The following CCDC152 variants were observed in gnomAD, a reference collection of about 807,000 sequenced individuals.
CCDC152 encodes the protein coiled-coil domain containing 152.
A neutral mutation model predicts 38.1 loss-of-function variants in CCDC152; 37 were observed. That is an observed-to-expected ratio of 0.97 (90% CI 0.75 to 1.28). The LOEUF is 1.28. Among genes scored for constraint, CCDC152 ranks in the 50% most tolerant of loss-of-function variants. The pLI is 0.00. For synonymous variants in CCDC152, 83 were observed against 87.1 expected (o/e 0.95, Z 0.26); for missense variants, 259 against 292.1 (o/e 0.89, Z 0.83).
In CCDC152 at chr5:42,800,476, G is replaced by GAA. The variant is rs930806262; in HGVS notation, c.*703_*704dup. On this transcript the variant is annotated 3_prime_UTR_variant, in exon 9 of 9. Transcript: ENST00000361970. ...TAAAGCAAATAGAACACTGGAAAAAGAAAAAAAAAGACATATTAACCAAAA... is the reference window on the plus strand; with the variant it reads ...TAAAGCAAATAGAACACTGGAAAAAGAAAAAAAAAAAGACATATTAACCAAAA... 1.5e-5 allele frequency: 6 copies of GAA among 408,852 alleles called. No homozygotes were observed. The highest frequency in any genetic ancestry group is 1.2e-4 in the African/African-American group (6 of 48,008). 25.3% of individuals were successfully genotyped at this position (408,852 alleles called of 1,614,324 possible). A position where few individuals can be genotyped will look rare whatever the true frequency, so the allele number is the denominator to read the frequency against.
chr5:42,792,202 A>AT (rs1760013150), intron 6 of CCDC152, among the ~76,000 whole-genome samples: 1 of 152,178 alleles, frequency 6.6e-6, no homozygotes, highest in South Asian at 2.1e-4. Flanking sequence ...AAATTTTATC[A>AT]TAGTAGAACT....
chr5:42,783,862 C>T (rs577020822), intron 6 of CCDC152, among the ~76,000 whole-genome samples: 30 of 151,632 alleles, frequency 2.0e-4, no homozygotes, highest in African/African-American at 7.0e-4. Flanking sequence ...TTCTGTTTCT[C>T]AGTTAGTTCA....
In CCDC152 at chr5:42,801,738, G is replaced by A. The variant is rs1006969736; in HGVS notation, c.*1957G>A. The stretch of plus-strand genomic sequence containing the variant: ...CGGAGACCAGCCTGGGCAACATGGC[G>A]AGATCCTGTCTCTGCAAAATATACA... On this transcript the variant is annotated 3_prime_UTR_variant, in exon 9 of 9. Coordinates refer to ENST00000361970, the MANE Select transcript of CCDC152 (RefSeq NM_001134848.2). 4 of 197,252 alleles carry A rather than the reference G, an allele frequency of 2.0e-5. No individual in the cohort carries two copies. The highest frequency in any genetic ancestry group is 1.2e-4 in the East Asian group (1 of 8,606). 12.2% of individuals were successfully genotyped at this position (197,252 alleles called of 1,614,324 possible).
At chr5:42,773,394 G>A (rs1759727356) in intron 4 of CCDC152, among the ~76,000 whole-genome samples, 1 of 151,836 alleles carries the variant, frequency 6.6e-6, no homozygotes, top group East Asian at 1.9e-4. Flanking sequence ...TTAATAACTG[G>A]GATAATATTC....
chr5:42,774,405 G>A (rs117032171), intron 4 of CCDC152, among the ~76,000 whole-genome samples: 2,974 of 152,242 alleles, frequency 0.02, 34 homozygotes, highest in Middle Eastern at 0.061. Context: ...TAACCATTTT[G>A]AAATAATCCA....
At chr5:42,783,877 G>A (rs1470702833) in intron 6 of CCDC152, among the ~76,000 whole-genome samples, 1 of 152,096 alleles carries the variant, frequency 6.6e-6, no homozygotes, top group Non-Finnish European at 1.5e-5. Flanking sequence ...AGTTCACTTA[G>A]AATGATGCCC....
chr5:42,779,018 C>T (rs1205980475), intron 4 of CCDC152, among the ~76,000 whole-genome samples: 1 of 152,110 alleles, frequency 6.6e-6, no homozygotes, highest in South Asian at 2.1e-4. Flanking sequence ...TTTTTCCAAG[C>T]TATATTCACT....
At chr5:42,786,891 GT>G (rs1759927605) in intron 6 of CCDC152, among the ~76,000 whole-genome samples, 1 of 151,340 alleles carries the variant, frequency 6.6e-6, no homozygotes, top group South Asian at 2.1e-4. Flanking sequence ...TGTTTTTTTT[GT>G]TGTTGTTTTT....
chr5:42,785,661 A>G (rs1213505891), intron 6 of CCDC152, among the ~76,000 whole-genome samples: 2 of 152,060 alleles, frequency 1.3e-5, no homozygotes, highest in East Asian at 1.9e-4. Context: ...TTTCAGTACT[A>G]TGTTGAATAG....
At chr5:42,779,065 G>A (rs888579969) in intron 4 of CCDC152, among the ~76,000 whole-genome samples, 3 of 152,124 alleles carry the variant, frequency 2.0e-5, no homozygotes, top group Non-Finnish European at 2.9e-5. Context: ...TCTGCATTTA[G>A]AATGCTCTCT....
At position 42,800,381 on chromosome 5, in the gene CCDC152, CT is replaced by C. The variant is rs1760154823; in HGVS notation, c.*602del. ...AAATGGAAAGCATGTCTTTGTTGTT[CT>C]TCCTCCATTCTAAACTGCTAATTAT... On this transcript the variant is annotated 3_prime_UTR_variant, in exon 9 of 9. Coordinates refer to ENST00000361970, the MANE Select transcript of CCDC152 (RefSeq NM_001134848.2). 3 of 181,046 alleles carry C rather than the reference CT, an allele frequency of 1.7e-5. No homozygotes were observed. Among genetic ancestry groups the C allele is most frequent in the Non-Finnish European group, 3.4e-5 (3 of 87,992 alleles). 11.2% of individuals were successfully genotyped at this position (181,046 alleles called of 1,614,324 possible).
chr5:42,781,563 A>G (rs1205848455), intron 5 of CCDC152, among the ~76,000 whole-genome samples: 1 of 151,828 alleles, frequency 6.6e-6, no homozygotes, highest in Non-Finnish European at 1.5e-5. Context: ...GCGCACACAC[A>G]CACACACACA....
intron 5 of CCDC152, 134 bp downstream of exon 5, chr5:42,779,656 C>CGT: frequency 2.2e-6 from 1 of 457,130 alleles, no homozygotes; most frequent in South Asian, 5.6e-5. Flanking sequence ...TGGAGATATA[C>CGT]GTATATATGC....
intron 1 of CCDC152, among the ~76,000 whole-genome samples, chr5:42,758,782 T>A (rs566325135): frequency 1.3e-5 from 2 of 152,352 alleles, no homozygotes; most frequent in African/African-American, 2.4e-5. Context: ...AGAAAACATC[T>A]GTGACATGAT....
intron 4 of CCDC152, among the ~76,000 whole-genome samples, chr5:42,775,866 G>A (rs1318561505): frequency 6.7e-6 from 1 of 150,202 alleles, no homozygotes; most frequent in Non-Finnish European, 1.5e-5. Context: ...TTTGAAAGTG[G>A]ACCTGAATTC....
In CCDC152 at chr5:42,769,665, G is replaced by C; in HGVS notation, c.262G>C (p.Gly88Arg). 1 of 1,477,460 alleles carries C rather than the reference G, an allele frequency of 6.8e-7. No individual in the cohort carries two copies. Among genetic ancestry groups the C allele is most frequent in the Non-Finnish European group, 9.0e-7 (1 of 1,111,188 alleles). 91.5% of individuals were successfully genotyped at this position (1,477,460 alleles called of 1,614,324 possible). ...CATTGAATATCAACAGAATTTGAAAGGTAAGTTAGAAAAAAAAGTAAAATC... is the reference window on the plus strand; with the variant it reads ...CATTGAATATCAACAGAATTTGAAACGTAAGTTAGAAAAAAAAGTAAAATC... ...QTIEYQQNLK[G>R]ENEQLKISAD... The change falls in exon 4 of 9, where the codon GGT becomes CGT. Residue 88 changes from glycine to arginine, a missense_variant and splice_region_variant. Gly to Arg is a moderately radical substitution (Grantham distance 125). Transcript: ENST00000361970.
intron 4 of CCDC152, among the ~76,000 whole-genome samples, chr5:42,777,746 A>G (rs937312813): frequency 1.3e-5 from 2 of 152,258 alleles, no homozygotes; most frequent in African/African-American, 2.4e-5. Flanking sequence ...CAAGTTTTAT[A>G]TGTGGACCCT....
chr5:42,796,534 T>G (rs945911967), intron 6 of CCDC152, among the ~76,000 whole-genome samples: 1 of 152,202 alleles, frequency 6.6e-6, no homozygotes, highest in South Asian at 2.1e-4. Flanking sequence ...ACTCAGGCTT[T>G]GTGTCCCTCT....
intron 4 of CCDC152, among the ~76,000 whole-genome samples, chr5:42,776,159 C>T (rs889257175): frequency 4.0e-5 from 6 of 151,812 alleles, no homozygotes; most frequent in African/African-American, 1.2e-4. Flanking sequence ...ATTATCAGAG[C>T]GGATCAAAAA....
Sources: gnomAD v4.1 joint callset for allele counts (sites outside exome capture counted in the v4.1 genomes callset) on GRCh38, gnomAD v4.1.1 for gene constraint, MANE v1.5 for transcripts, NCBI Gene and HGNC (gene_info 2026-07-23, HGNC 2026-07-21) for gene names.